FARS2: variants seen among roughly 807,000 people sequenced by gnomAD.
FARS2 encodes phenylalanine--tRNA ligase, mitochondrial.
A neutral mutation model predicts 46.4 loss-of-function variants in FARS2; 40 were observed. The ratio of observed to expected loss-of-function variants is 0.86; its 90% CI spans 0.67 to 1.12. The LOEUF (loss-of-function observed/expected upper bound fraction) is 1.12, where lower values mean the gene tolerates loss of function less well. Among genes scored for constraint, FARS2 ranks in the 50% most tolerant of loss-of-function variants. The probability of loss-of-function intolerance (pLI) is 0.00; values close to 1 mark genes in which losing one functional copy is unlikely to be tolerated. For synonymous variants in FARS2, 234 were observed against 214.9 expected (o/e 1.09, Z -0.78); for missense variants, 513 against 567.9 (o/e 0.90, Z 0.98).
At position 5,613,154 on chromosome 6, in the gene FARS2, C is replaced by G. The variant is rs769574194; in HGVS notation, c.1066-15C>G. The G allele has an allele frequency of 6.2e-7, 1 of 1,606,552 alleles. No individual in the cohort carries two copies. The highest frequency in any genetic ancestry group is 8.5e-7 in the Non-Finnish European group (1 of 1,176,300). ...CTAACAAGTTCATGTATCTTTTCTC[C>G]TCTTGTTTTGTTAGCCTCTTAGCAA... On this transcript the variant is annotated splice_polypyrimidine_tract_variant and intron_variant, in intron 5 of 6. Transcript: ENST00000274680.
At chr6:5,664,606 A>G (rs1307066176) in intron 6 of FARS2, among the ~76,000 whole-genome samples, 3 of 152,212 alleles carry the variant, frequency 2.0e-5, no homozygotes, top group Non-Finnish European at 4.4e-5. Context: ...CCTATAATCT[A>G]TGACTATAAG....
intron 5 of FARS2, among the ~76,000 whole-genome samples, chr6:5,584,855 G>T (rs1021786273): frequency 2.6e-5 from 4 of 152,198 alleles, no homozygotes; most frequent in East Asian, 1.9e-4. Flanking sequence ...TTGTGCATTT[G>T]CCAGAGAGTG....
At chr6:5,629,869 G>A (rs547549025) in intron 6 of FARS2, among the ~76,000 whole-genome samples, 1 of 152,190 alleles carries the variant, frequency 6.6e-6, no homozygotes, top group South Asian at 2.1e-4. Context: ...AGGAGAGATC[G>A]TGGGGATGAA....
intron 5 of FARS2, among the ~76,000 whole-genome samples, chr6:5,581,734 C>G (rs1381420555): frequency 1.3e-5 from 2 of 152,052 alleles, no homozygotes; most frequent in Non-Finnish European, 2.9e-5. Context: ...TCTAAATGGT[C>G]ACGGTAACAT....
At chr6:5,590,619 A>G (rs2150602178) in intron 5 of FARS2, among the ~76,000 whole-genome samples, 1 of 152,326 alleles carries the variant, frequency 6.6e-6, no homozygotes, top group Non-Finnish European at 1.5e-5. Context: ...CACTATTCAC[A>G]TTCATCTTTT....
chr6:5,730,497 G>A (rs1302255707), intron 6 of FARS2, among the ~76,000 whole-genome samples: 1 of 151,496 alleles, frequency 6.6e-6, no homozygotes, highest in African/African-American at 2.4e-5. Flanking sequence ...TGTAGAAAAA[G>A]GATTTTCTAG....
intron 4 of FARS2, among the ~76,000 whole-genome samples, chr6:5,533,515 T>C (rs982508084): frequency 6.6e-6 from 1 of 152,254 alleles, no homozygotes; most frequent in South Asian, 2.1e-4. Flanking sequence ...GCACTTGCTA[T>C]GTGCCAGTGT....
intron 6 of FARS2, among the ~76,000 whole-genome samples, chr6:5,739,256 G>T (rs576707926): frequency 7.9e-5 from 12 of 151,956 alleles, no homozygotes; most frequent in Non-Finnish European, 1.5e-4. Flanking sequence ...AGTGCTCTGG[G>T]AGGCCAAGGT....
At chr6:5,414,850 C>G (rs1020295517) in intron 3 of FARS2, among the ~76,000 whole-genome samples, 39 of 126,452 alleles carry the variant, frequency 3.1e-4, no homozygotes, top group African/African-American at 1.2e-3. Context: ...GAGTCTCACT[C>G]TGTCACCCAG....
chr6:5,495,782 TA>T (rs1767426779), intron 4 of FARS2, among the ~76,000 whole-genome samples: 2 of 152,222 alleles, frequency 1.3e-5, no homozygotes, highest in Non-Finnish European at 1.5e-5. Flanking sequence ...GCAGAGACCA[TA>T]ACAGAACAAT....
intron 4 of FARS2, among the ~76,000 whole-genome samples, chr6:5,454,171 A>T (rs1207341912): frequency 7.0e-6 from 1 of 142,484 alleles, no homozygotes; most frequent in Non-Finnish European, 1.5e-5. Context: ...TATCAGTGCC[A>T]TTTGGGGTTA....
intron 5 of FARS2, among the ~76,000 whole-genome samples, chr6:5,552,983 G>C (rs568759461): frequency 1.3e-5 from 2 of 152,248 alleles, no homozygotes; most frequent in African/African-American, 4.8e-5. Flanking sequence ...CTAAAATTAT[G>C]AATTCAATAT....
intron 2 of FARS2, among the ~76,000 whole-genome samples, chr6:5,373,617 C>T (rs1275333410): frequency 2.0e-5 from 3 of 152,054 alleles, no homozygotes; most frequent in African/African-American, 7.2e-5. Flanking sequence ...TATTCAAGCA[C>T]GTTATTAGTG....
In FARS2 at chr6:5,757,093, C is replaced by T. The variant is rs532834957; in HGVS notation, c.1218-14198C>T. Reference sequence around the variant, plus strand: ...TCTTATTAAATTCTGCCTAAGCATTCATAATAGACAGACTTCAACTTGAGA... The same window carrying T: ...TCTTATTAAATTCTGCCTAAGCATTTATAATAGACAGACTTCAACTTGAGA... On this transcript the variant is annotated intron_variant, in intron 6 of 6. Transcript: ENST00000274680. Among the ~76,000 whole-genome samples, 135 of 152,280 alleles carry T rather than the reference C, an allele frequency of 8.9e-4. 1 individual carries two copies. Among genetic ancestry groups the T allele is most frequent in the African/African-American group, 3.2e-3 (131 of 41,552 alleles).
chr6:5,647,452 G>C (rs1777135189), intron 6 of FARS2, among the ~76,000 whole-genome samples: 1 of 152,216 alleles, frequency 6.6e-6, no homozygotes, highest in Non-Finnish European at 1.5e-5. Context: ...AGCTAGGAAA[G>C]GTAGAGCATG....
At position 5,335,472 on chromosome 6, in the gene FARS2, G is replaced by GT. The variant is rs537110595; in HGVS notation, c.-21-33071dup. Among the ~76,000 whole-genome samples the GT allele has an allele frequency of 4.6e-5, 7 of 152,028 alleles. No individual in the cohort carries two copies. In the South Asian group the frequency reaches 6.2e-4, roughly 14 times the overall value. The stretch of plus-strand genomic sequence containing the variant: ...TTGCACTTACATATTGATGTTATTT[G>GT]TTTTTTTACCAATATTGAAATGTAG... On this transcript the variant is annotated intron_variant, in intron 1 of 6. Coordinates refer to ENST00000274680, the MANE Select transcript of FARS2 (RefSeq NM_006567.5).
chr6:5,485,928 C>T (rs1418580327), intron 4 of FARS2, among the ~76,000 whole-genome samples: 1 of 152,208 alleles, frequency 6.6e-6, no homozygotes, highest in African/African-American at 2.4e-5. Context: ...AGACACAGAA[C>T]ATTTCCCGCA....
chr6:5,475,559 C>T (rs1766072898), intron 4 of FARS2, among the ~76,000 whole-genome samples: 1 of 152,198 alleles, frequency 6.6e-6, no homozygotes, highest in South Asian at 2.1e-4. Flanking sequence ...CATGCAGCTT[C>T]AGGTAGAATC....
At chr6:5,382,853 C>T (rs999620062) in intron 2 of FARS2, among the ~76,000 whole-genome samples, 3 of 152,130 alleles carry the variant, frequency 2.0e-5, no homozygotes, top group Admixed American at 2.0e-4. Context: ...GCAGAAGAGC[C>T]AATGGAGTCC....
Sources: gnomAD v4.1 joint callset for allele counts (sites outside exome capture counted in the v4.1 genomes callset) on GRCh38, gnomAD v4.1.1 for gene constraint, MANE v1.5 for transcripts, NCBI Gene and HGNC (gene_info 2026-07-23, HGNC 2026-07-21) for gene names.